The following BCL2 variants were observed in gnomAD, a reference collection of about 807,000 sequenced individuals.
The protein encoded by BCL2 is BCL2 apoptosis regulator.
In BCL2, 1 loss-of-function variant was observed where a neutral mutation model predicts 14.2. The ratio of observed to expected loss-of-function variants is 0.07; its 90% CI spans 0.02 to 0.33. The LOEUF is 0.33. BCL2 is among the 10% of genes least tolerant of loss of function. The pLI, the probability that BCL2 is intolerant of heterozygous loss-of-function variation, is 0.99. For synonymous variants in BCL2, 151 were observed against 137.2 expected, an observed-to-expected ratio of 1.10 and a Z score of -0.70; for missense variants, 247 against 305.9, an observed-to-expected ratio of 0.81 and a Z score of 1.44.
At chr18:63,173,796 G>C (rs1426648622) in intron 2 of BCL2, among the ~76,000 whole-genome samples, 3 of 152,078 alleles carry the variant, frequency 2.0e-5, no homozygotes, top group Non-Finnish European at 4.4e-5. Context: ...CTTATCATTT[G>C]GTATATTCTA....
intron 2 of BCL2, among the ~76,000 whole-genome samples, chr18:63,198,102 T>C (rs923340053): frequency 4.6e-5 from 7 of 152,022 alleles, no homozygotes; most frequent in Admixed American, 1.3e-4. Context: ...AACTATGAGT[T>C]GAAGGAAGAC....
intron 2 of BCL2, chr18:63,315,285 TC>T (rs1305996466): frequency 1.3e-5 from 2 of 152,506 alleles, no homozygotes; most frequent in African/African-American, 4.8e-5. Context: ...CTGTCCTGCC[TC>T]TCTCTGGATG....
chr18:63,303,061 G>C (rs1212243763), intron 2 of BCL2, among the ~76,000 whole-genome samples: 1 of 151,762 alleles, frequency 6.6e-6, no homozygotes, highest in Non-Finnish European at 1.5e-5. Context: ...CTGGACTCTA[G>C]AAGAAAAAAA....
chr18:63,145,069 C>T (rs546320278), intron 2 of BCL2, among the ~76,000 whole-genome samples: 67 of 152,262 alleles, frequency 4.4e-4, no homozygotes, highest in African/African-American at 1.6e-3. Context: ...CAGGAAAAGC[C>T]CTCCTATTTA....
intron 2 of BCL2, among the ~76,000 whole-genome samples, chr18:63,304,770 T>C (rs1157476439): frequency 6.6e-6 from 1 of 152,158 alleles, no homozygotes; most frequent in East Asian, 1.9e-4. Context: ...AAAAGAAAGA[T>C]GGAAGAGCAA....
chr18:63,164,628 T>C (rs1449206267), intron 2 of BCL2, among the ~76,000 whole-genome samples: 1 of 152,232 alleles, frequency 6.6e-6, no homozygotes, highest in Non-Finnish European at 1.5e-5. Context: ...GTGTCTGTAG[T>C]AGAAGATGCT....
At chr18:63,241,669 G>A (rs1196270097) in intron 2 of BCL2, among the ~76,000 whole-genome samples, 2 of 152,054 alleles carry the variant, frequency 1.3e-5, no homozygotes, top group Admixed American at 1.3e-4. Flanking sequence ...CCTTTTTCTT[G>A]ATAACCCTCT....
chr18:63,281,300 C>G (rs1912301177), intron 2 of BCL2, among the ~76,000 whole-genome samples: 3 of 152,090 alleles, frequency 2.0e-5, no homozygotes, highest in Admixed American at 2.0e-4. Flanking sequence ...AAGCTGTACA[C>G]TGAAAAACGG....
chr18:63,147,342 G>C (rs993520503), intron 2 of BCL2, among the ~76,000 whole-genome samples: 1 of 152,216 alleles, frequency 6.6e-6, no homozygotes, highest in African/African-American at 2.4e-5. Flanking sequence ...ATCAAAAGCA[G>C]GGAGGATGAA....
chr18:63,303,987 T>G (rs1913043090), intron 2 of BCL2, among the ~76,000 whole-genome samples: 1 of 152,224 alleles, frequency 6.6e-6, no homozygotes, highest in Non-Finnish European at 1.5e-5. Context: ...ATTTTTAAGG[T>G]ACAACACTGT....
At chr18:63,236,278 T>C (rs569724978) in intron 2 of BCL2, among the ~76,000 whole-genome samples, 78 of 152,342 alleles carry the variant, frequency 5.1e-4, no homozygotes, top group African/African-American at 1.9e-3. Context: ...TATTTCTTCA[T>C]AGCAGTATGA....
intron 2 of BCL2, chr18:63,208,207 C>T (rs762842822): frequency 1.3e-5 from 2 of 152,190 alleles, no homozygotes; most frequent in Non-Finnish European, 2.9e-5. Flanking sequence ...ACACAAAGCA[C>T]TCACTTTCAC....
intron 2 of BCL2, among the ~76,000 whole-genome samples, chr18:63,179,253 G>A (rs1915424069): frequency 6.6e-6 from 1 of 152,208 alleles, no homozygotes; most frequent in Non-Finnish European, 1.5e-5. Context: ...TAAGGCTGCT[G>A]GAGTGGAGGG....
intron 2 of BCL2, among the ~76,000 whole-genome samples, chr18:63,286,213 C>T (rs1471773194): frequency 6.6e-6 from 1 of 152,244 alleles, no homozygotes; most frequent in African/African-American, 2.4e-5. Context: ...TGCCTTAACA[C>T]TTCCTTCACT....
chr18:63,179,026 A>C (rs1165963383), intron 2 of BCL2, among the ~76,000 whole-genome samples: 1 of 152,216 alleles, frequency 6.6e-6, no homozygotes, highest in Admixed American at 6.5e-5. Flanking sequence ...AATAATAATA[A>C]AATAAAGCAG....
At chr18:63,165,733 G>A (rs1251287311) in intron 2 of BCL2, among the ~76,000 whole-genome samples, 2 of 151,872 alleles carry the variant, frequency 1.3e-5, no homozygotes, top group Non-Finnish European at 2.9e-5. Flanking sequence ...ACTGGCGGGA[G>A]ACAAAAAGAG....
At chr18:63,154,882 A>T (rs1383319224) in intron 2 of BCL2, among the ~76,000 whole-genome samples, 1 of 152,188 alleles carries the variant, frequency 6.6e-6, no homozygotes, top group African/African-American at 2.4e-5. Flanking sequence ...GGAAATTAAA[A>T]CTATTTAAAC....
chr18:63,189,141 G>A (rs1261059536), intron 2 of BCL2, among the ~76,000 whole-genome samples: 4 of 146,110 alleles, frequency 2.7e-5, no homozygotes, highest in East Asian at 2.0e-4. Context: ...TAAGGTCAAA[G>A]CGCTCTCCAA....
At chr18:63,229,682 G>A (rs1035731316) in intron 2 of BCL2, among the ~76,000 whole-genome samples, 2 of 152,186 alleles carry the variant, frequency 1.3e-5, no homozygotes, top group Non-Finnish European at 2.9e-5. Context: ...TAGAAGCTGA[G>A]CAGATTCTGG....
Sources: gnomAD v4.1 joint callset for allele counts (sites outside exome capture counted in the v4.1 genomes callset) on GRCh38, gnomAD v4.1.1 for gene constraint, MANE v1.5 for transcripts, NCBI Gene and HGNC (gene_info 2026-07-23, HGNC 2026-07-21) for gene names.